Variants in DLGAP2 observed in about 807,000 individuals in gnomAD.
DLGAP2 encodes the protein disks large-associated protein 2.
DLGAP2 carries 26 observed loss-of-function variants against 100.3 expected under a neutral mutation model. The ratio of observed to expected loss-of-function variants is 0.26; its 90% CI spans 0.19 to 0.36. DLGAP2 has a LOEUF of 0.36. Ranked by LOEUF, DLGAP2 falls within the 10% of genes least tolerant of loss-of-function variation. The probability of loss-of-function intolerance (pLI) is 1.00; values close to 1 mark genes in which losing one functional copy is unlikely to be tolerated. For missense variants in DLGAP2, 1,858 were observed against 1,453.2 expected, an observed-to-expected ratio of 1.28 and a Z score of -4.53; for synonymous variants, 886 against 630.1, an observed-to-expected ratio of 1.41 and a Z score of -6.08.
intron 1 of DLGAP2, among the ~76,000 whole-genome samples, chr8:874,571 T>G (rs1356541128): frequency 1.3e-5 from 2 of 152,238 alleles, no homozygotes; most frequent in Non-Finnish European, 2.9e-5. Context: ...GAAAACAATT[T>G]GTGTTATTTG....
At chr8:960,214 G>C (rs553364248) in intron 2 of DLGAP2, among the ~76,000 whole-genome samples, 102 of 104,800 alleles carry the variant, frequency 9.7e-4, no homozygotes, top group African/African-American at 3.8e-3. Context: ...TCCAAGTTTT[G>C]GGCAATTATT....
At chr8:1,565,361 T>C (rs1802355012) in intron 5 of DLGAP2, 2 of 262,504 alleles carry the variant, frequency 7.6e-6, no homozygotes, top group Non-Finnish European at 1.4e-5. Flanking sequence ...TTTCCTCTTA[T>C]ACCAGAGGGA....
In DLGAP2 at chr8:1,691,603, T is replaced by C. The variant is rs1799262093; in HGVS notation, c.2773T>C (p.Tyr925His). ...CATGTCCCAGAAATTCCAGCAGTTT[T>C]ATTGGCTTTGCCAACAGAATATGGT... ...LLMSQKFQQF[Y>H]WLCQQNMDPS... The change falls in exon 13 of 15, where the codon TAT becomes CAT. Residue 925 changes from tyrosine (Y) to histidine (H), a missense_variant. Physicochemically the swap from Tyr to His is moderately conservative, Grantham distance 83 (BLOSUM62 2). Coordinates refer to ENST00000637795, the MANE Select transcript of DLGAP2 (RefSeq NM_001346810.2). 1 of 1,614,006 alleles carries C rather than the reference T, an allele frequency of 6.2e-7. No individual in the cohort carries two copies. The highest frequency in any genetic ancestry group is 8.5e-7 in the Non-Finnish European group (1 of 1,179,980).
rs1396067650 is a variant in DLGAP2, at chr8:1,089,102, T to C, written c.74-169749T>C. Reference sequence around the variant, plus strand: ...CTCGTCCAGCAGGCTATGCAATTCTTGCTCCCCGGCCTCACTCTCTCCACC... The same window carrying C: ...CTCGTCCAGCAGGCTATGCAATTCTCGCTCCCCGGCCTCACTCTCTCCACC... On this transcript the variant is annotated intron_variant, in intron 2 of 14. Coordinates refer to ENST00000637795, the MANE Select transcript of DLGAP2 (RefSeq NM_001346810.2). Among the ~76,000 whole-genome samples, 40 of 117,568 alleles carry C rather than the reference T, an allele frequency of 3.4e-4. 1 individual carries two copies. The highest frequency in any genetic ancestry group is 2.0e-3 in the East Asian group (7 of 3,460). 77.1% of individuals were successfully genotyped at this position (117,568 alleles called of 152,430 possible).
chr8:803,391 T>G (rs752801247), intron 1 of DLGAP2, among the ~76,000 whole-genome samples: 2 of 152,160 alleles, frequency 1.3e-5, no homozygotes, highest in African/African-American at 2.4e-5. Context: ...ACAAATAACA[T>G]CTACCTCTGC....
intron 2 of DLGAP2, among the ~76,000 whole-genome samples, chr8:994,263 C>T (rs113159203): frequency 3.9e-5 from 6 of 152,096 alleles, no homozygotes; most frequent in South Asian, 2.1e-4. Flanking sequence ...TGCAGTGGCG[C>T]GATCTCGGCT....
intron 2 of DLGAP2, among the ~76,000 whole-genome samples, chr8:1,199,937 T>C (rs1585145337): frequency 6.6e-6 from 1 of 150,906 alleles, no homozygotes; most frequent in South Asian, 2.1e-4. Flanking sequence ...GTGGAAGGAT[T>C]CCCCCCCACA....
intron 3 of DLGAP2, among the ~76,000 whole-genome samples, chr8:1,457,263 T>A (rs1798341134): frequency 6.6e-6 from 1 of 152,192 alleles, no homozygotes; most frequent in African/African-American, 2.4e-5. Flanking sequence ...TCTCAAGTTA[T>A]AGTCATAATT....
At chr8:1,188,178 C>G (rs1181089280) in intron 2 of DLGAP2, among the ~76,000 whole-genome samples, 4 of 137,200 alleles carry the variant, frequency 2.9e-5, no homozygotes, top group East Asian at 2.2e-4. Context: ...CGGAATCTCA[C>G]ACGCCCGGGA....
At chr8:1,023,954 G>T (rs1031601990) in intron 2 of DLGAP2, among the ~76,000 whole-genome samples, 4 of 150,726 alleles carry the variant, frequency 2.7e-5, no homozygotes, top group Non-Finnish European at 5.9e-5. Context: ...AAGTGTGGGT[G>T]GCTGTGGGTT....
At chr8:1,412,786 C>T (rs1393544756) in intron 3 of DLGAP2, among the ~76,000 whole-genome samples, 1 of 152,222 alleles carries the variant, frequency 6.6e-6, no homozygotes. Flanking sequence ...CTGACTCTAA[C>T]ATACCCTCCC....
chr8:921,006 C>T (rs1294394146), intron 2 of DLGAP2, among the ~76,000 whole-genome samples: 2 of 152,130 alleles, frequency 1.3e-5, no homozygotes, highest in Non-Finnish European at 2.9e-5. Flanking sequence ...CTTCCACCTG[C>T]AGCTCCATCT....
intron 3 of DLGAP2, among the ~76,000 whole-genome samples, chr8:1,370,345 G>C (rs1029823781): frequency 6.6e-6 from 1 of 152,064 alleles, no homozygotes; most frequent in African/African-American, 2.4e-5. Context: ...TGCTCTCCCT[G>C]GGCAGGTGGG....
At chr8:1,047,363 A>T (rs1563163541) in intron 2 of DLGAP2, among the ~76,000 whole-genome samples, 3 of 152,152 alleles carry the variant, frequency 2.0e-5, no homozygotes, top group East Asian at 1.9e-4. Flanking sequence ...GGATTTTGGA[A>T]TTTTTTTTGG....
intron 2 of DLGAP2, among the ~76,000 whole-genome samples, chr8:919,594 A>T (rs1420291529): frequency 6.6e-6 from 1 of 152,214 alleles, no homozygotes; most frequent in Non-Finnish European, 1.5e-5. Flanking sequence ...GGGTCCTGAG[A>T]ATAGGAGAGG....
chr8:1,200,330 C>T (rs1316056386), intron 2 of DLGAP2, among the ~76,000 whole-genome samples: 1 of 152,188 alleles, frequency 6.6e-6, no homozygotes, highest in Non-Finnish European at 1.5e-5. Context: ...TGAGCTCAGT[C>T]CCGTGGCCCC....
At chr8:1,006,491 G>A (rs145500232) in intron 2 of DLGAP2, among the ~76,000 whole-genome samples, 43 of 117,380 alleles carry the variant, frequency 3.7e-4, no homozygotes, top group African/African-American at 7.6e-4. Context: ...CGGGGACACC[G>A]TGTGTCTCAA....
rs191597843 is a variant in DLGAP2, at chr8:1,103,870, C to G, written c.74-154981C>G. On this transcript the variant is annotated intron_variant, in intron 2 of 14. Coordinates refer to ENST00000637795, the MANE Select transcript of DLGAP2 (RefSeq NM_001346810.2). ...AGTGGTTGTTTATTGGAAATCAGTT[C>G]GAGGGGTCCCCGCACCCATGTTGGG... Among the ~76,000 whole-genome samples the G allele has an allele frequency of 3.3e-5, 5 of 152,256 alleles. No individual in the cohort carries two copies. In the South Asian group the frequency reaches 1.0e-3, roughly 32 times the overall value.
chr8:1,129,690 G>C (rs1037519255), intron 2 of DLGAP2, among the ~76,000 whole-genome samples: 4 of 152,204 alleles, frequency 2.6e-5, no homozygotes, highest in Non-Finnish European at 5.9e-5. Flanking sequence ...TACAGTTCGA[G>C]TTGGTGCTGG....
Sources: allele counts gnomAD v4.1 joint callset (sites outside exome capture counted in the v4.1 genomes callset), GRCh38; gene constraint gnomAD v4.1.1; transcripts MANE v1.5; gene names NCBI Gene and HGNC (gene_info 2026-07-23, HGNC 2026-07-21).